The following CREM variants were observed in gnomAD, a reference collection of about 807,000 sequenced individuals.
The protein encoded by CREM is cAMP-responsive element modulator.
CREM carries 13 observed loss-of-function variants against 37.3 expected under a neutral mutation model. The observed-to-expected ratio is 0.35, with a 90% CI of 0.23 to 0.55. CREM has a LOEUF of 0.55. Ranked by LOEUF, CREM falls within the 20% of genes least tolerant of loss-of-function variation. CREM has a pLI of 0.88. For missense variants in CREM, 296 were observed against 362.3 expected (o/e 0.82, Z 1.49); for synonymous variants, 124 against 120.2 (o/e 1.03, Z -0.21).
At chr10:35,159,894 A>C (rs1399177496) in intron 3 of CREM, among the ~76,000 whole-genome samples, 1 of 152,242 alleles carries the variant, frequency 6.6e-6, no homozygotes, top group Admixed American at 6.5e-5. Flanking sequence ...ATTTTCTAAA[A>C]ATGTGCAGAA....
chr10:35,131,341 TTG>T (rs1249044573), intron 1 of CREM, among the ~76,000 whole-genome samples: 2 of 152,326 alleles, frequency 1.3e-5, no homozygotes, highest in Non-Finnish European at 1.5e-5. Flanking sequence ...AGGTTTTTTT[TTG>T]TGTGTTTTTT....
rs755624971 is a variant in CREM, at chr10:35,211,781, G to C, written c.*383G>C. ...GAACTTGAAACCTTGAAAGACATTT[G>C]TTCTCCCAAAACAGATTACTAGAAA... On this transcript the variant is annotated 3_prime_UTR_variant, in exon 8 of 8. Transcript: ENST00000685392. 4 of 1,612,310 alleles carry C rather than the reference G, an allele frequency of 2.5e-6. No homozygotes were observed. Among genetic ancestry groups the C allele is most frequent in the Non-Finnish European group, 2.5e-6 (3 of 1,179,548 alleles).
At chr10:35,135,368 A>G (rs944478481) in intron 1 of CREM, 3 of 152,198 alleles carry the variant, frequency 2.0e-5, no homozygotes, top group African/African-American at 4.8e-5. Context: ...TTGGTAGTAT[A>G]TAAGTGTTTT....
intron 3 of CREM, chr10:35,167,798 G>T (rs1358355092): frequency 1.9e-6 from 3 of 1,613,766 alleles, no homozygotes; most frequent in Non-Finnish European, 2.5e-6. Flanking sequence ...GGATGTGGAA[G>T]AAAAGGTAAA....
chr10:35,147,020 T>C (rs1490511853), intron 2 of CREM, among the ~76,000 whole-genome samples: 1 of 149,658 alleles, frequency 6.7e-6, no homozygotes, highest in Non-Finnish European at 1.5e-5. Context: ...CAGCAGGGAG[T>C]AGTTTCTATA....
chr10:35,148,663 AACAG>A, intron 3 of CREM, 172 bp downstream of exon 3: 1 of 724,980 alleles, frequency 1.4e-6, no homozygotes, highest in South Asian at 2.1e-5. Context: ...CTTGCATTTT[AACAG>A]ACATTCAGCA....
chr10:35,178,891 A>G lies in CREM; in HGVS notation c.171A>G (p.Val57=). The G allele has an allele frequency of 6.2e-7, 1 of 1,605,732 alleles. No individual in the cohort carries two copies. The highest frequency in any genetic ancestry group is 8.5e-7 in the Non-Finnish European group (1 of 1,175,686). ...GQNSIPALAQ[V]AAIAETDESA... ...TTTCAGAAAATCTTGTATTATAGGT[A>G]GCAGCAATTGCAGAGACAGATGAAT... The change falls in exon 4 of 8, where the codon GTA becomes GTG. Residue 57 remains valine (V), a splice_region_variant and synonymous_variant. Transcript: ENST00000685392.
chr10:35,194,716 G>A (rs2095073361), intron 6 of CREM, among the ~76,000 whole-genome samples: 1 of 150,784 alleles, frequency 6.6e-6, no homozygotes, highest in Non-Finnish European at 1.5e-5. Flanking sequence ...ATGAAATATG[G>A]TATTTCTTTG....
At chr10:35,160,125 C>G (rs1351690748) in intron 3 of CREM, among the ~76,000 whole-genome samples, 1 of 152,132 alleles carries the variant, frequency 6.6e-6, no homozygotes, top group Non-Finnish European at 1.5e-5. Flanking sequence ...CACTACATAC[C>G]TAAGCTGTAT....
chr10:35,189,259 G>A (rs2094801790), intron 6 of CREM, among the ~76,000 whole-genome samples: 1 of 151,512 alleles, frequency 6.6e-6, no homozygotes, highest in African/African-American at 2.4e-5. Flanking sequence ...TCTTATGGAA[G>A]CTGTCAGTAA....
chr10:35,166,749 C>T (rs1204852024), intron 3 of CREM, among the ~76,000 whole-genome samples: 2 of 152,004 alleles, frequency 1.3e-5, no homozygotes, highest in Non-Finnish European at 2.9e-5. Context: ...CAAAAAACAC[C>T]TTCATGGGAA....
chr10:35,162,682 T>C (rs566282735), intron 3 of CREM, among the ~76,000 whole-genome samples: 1 of 152,102 alleles, frequency 6.6e-6, no homozygotes, highest in Non-Finnish European at 1.5e-5. Context: ...TGTCATCCTT[T>C]ACAAAGAAGG....
chr10:35,205,583 A>G (rs762013956), intron 6 of CREM, among the ~76,000 whole-genome samples: 49 of 152,220 alleles, frequency 3.2e-4, no homozygotes, highest in Non-Finnish European at 6.0e-4. Context: ...TGAAACATTC[A>G]GAGGATGGAG....
At chr10:35,175,736 A>G (rs780119724) in intron 3 of CREM, 1 of 1,614,210 alleles carries the variant, frequency 6.2e-7, no homozygotes, top group South Asian at 1.1e-5. Context: ...GTCATTTCTC[A>G]GCAGCAGGAA....
At position 35,165,079 on chromosome 10, in the gene CREM, G is replaced by T. The variant is rs138635837; in HGVS notation, c.169-13810G>T. Among the ~76,000 whole-genome samples, 1,130 of 116,024 alleles carry T rather than the reference G, an allele frequency of 9.7e-3. 13 individuals are homozygous for T. Among genetic ancestry groups the T allele is most frequent in the African/African-American group, 0.036 (1,032 of 28,582 alleles). 76.1% of individuals were successfully genotyped at this position (116,024 alleles called of 152,430 possible). A position where few individuals can be genotyped will look rare whatever the true frequency, so the allele number is the denominator to read the frequency against. On this transcript the variant is annotated intron_variant, in intron 3 of 7. Coordinates refer to ENST00000685392, the MANE Select transcript of CREM (RefSeq NM_183011.2). ...CTCAAAAAAAAAAAAAAAAAAAAAA[G>T]AAAAGGAAAAAGAAATACTTGAGGC...
intron 3 of CREM, chr10:35,167,404 G>A (rs938242887): frequency 7.9e-6 from 2 of 254,036 alleles, no homozygotes; most frequent in Non-Finnish European, 1.5e-5. Context: ...TTTTTCAGGA[G>A]CAGAGTTGAT....
intron 3 of CREM, among the ~76,000 whole-genome samples, chr10:35,165,762 AATG>A (rs1220025397): frequency 6.6e-6 from 1 of 151,712 alleles, no homozygotes; most frequent in Non-Finnish European, 1.5e-5. Flanking sequence ...TAGAATATAA[AATG>A]ATGCCCCAAA....
intron 6 of CREM, among the ~76,000 whole-genome samples, chr10:35,202,135 A>C (rs191023407): frequency 6.6e-6 from 1 of 152,342 alleles, no homozygotes. Context: ...CTGATAACCC[A>C]TATATTTTCA....
chr10:35,203,823 A>T (rs1281079966), intron 6 of CREM, among the ~76,000 whole-genome samples: 5 of 152,100 alleles, frequency 3.3e-5, no homozygotes, highest in African/African-American at 7.2e-5. Flanking sequence ...CTACAGAACT[A>T]GAGTGTAATG....
Sources: allele counts gnomAD v4.1 joint callset (sites outside exome capture counted in the v4.1 genomes callset), GRCh38; gene constraint gnomAD v4.1.1; transcripts MANE v1.5; gene names NCBI Gene and HGNC (gene_info 2026-07-23, HGNC 2026-07-21).